Variants in FAM135A observed in about 807,000 individuals in gnomAD.
The protein encoded by FAM135A is family with sequence similarity 135 member A.
A neutral mutation model predicts 146.8 loss-of-function variants in FAM135A; 79 were observed. The observed-to-expected ratio is 0.54, with a 90% CI of 0.45 to 0.65. FAM135A has a LOEUF of 0.65. FAM135A is among the 30% of genes least tolerant of loss of function. FAM135A has a pLI of 0.00. For missense variants in FAM135A, 1,623 were observed against 1,758.2 expected (o/e 0.92, Z 1.38); for synonymous variants, 562 against 603.6 (o/e 0.93, Z 1.01).
At chr6:70,503,310 T>C (rs1289216836) in intron 12 of FAM135A, 1 of 152,266 alleles carries the variant, frequency 6.6e-6, no homozygotes, top group Admixed American at 6.5e-5. Context: ...TTGTATAGCA[T>C]CTCAAGAGGT....
Position 70,533,274 on chromosome 6 carries a change from G to T in FAM135A, c.3867+23G>T, listed in dbSNP as rs549739037. 5 of 1,576,510 alleles carry T rather than the reference G, an allele frequency of 3.2e-6. No individual in the cohort carries two copies. In the African/African-American group the frequency reaches 4.1e-5, roughly 13 times the overall value. On this transcript the variant is annotated intron_variant, in intron 17 of 21. Coordinates refer to ENST00000418814, the MANE Select transcript of FAM135A (RefSeq NM_001162529.3). Reference sequence around the variant, plus strand: ...CAGGTACAATATGACAGTGTTTTCAGTGAAAACAAACATTTTTGTACCAGT... The same window carrying T: ...CAGGTACAATATGACAGTGTTTTCATTGAAAACAAACATTTTTGTACCAGT...
chr6:70,468,404 A>G (rs1168889868), intron 5 of FAM135A, among the ~76,000 whole-genome samples: 2 of 152,220 alleles, frequency 1.3e-5, no homozygotes, highest in African/African-American at 4.8e-5. Flanking sequence ...TATAAAAGAT[A>G]GAGGTTTCCT....
At chr6:70,468,053 A>G (rs1037243612) in intron 5 of FAM135A, among the ~76,000 whole-genome samples, 1 of 152,130 alleles carries the variant, frequency 6.6e-6, no homozygotes, top group African/African-American at 2.4e-5. Context: ...ATGGTGAGCC[A>G]TTTGTCTAAG....
Position 70,477,168 on chromosome 6 carries a change from T to G in FAM135A, c.378T>G (p.Asp126Glu), listed in dbSNP as rs1782780802. 1.2e-6 allele frequency: 2 copies of G among 1,613,258 alleles called. No individual in the cohort carries two copies. The highest frequency in any genetic ancestry group is 1.7e-6 in the Non-Finnish European group (2 of 1,179,502). The change falls in exon 8 of 22, where the codon GAT becomes GAG. Residue 126 changes from aspartate (D) to glutamate (E), a missense_variant. Around this residue, in one of 7 missense-constraint regions of FAM135A, gnomAD observed 171 missense variants for 164.9 expected, o/e 1.04. Coordinates refer to ENST00000418814, the MANE Select transcript of FAM135A (RefSeq NM_001162529.3). ...HFTDGDYSAD[D>E]LNALQLISSR... ...GTGTTCCTTTTTACAGGGCAGATGA[T>G]CTGAATGCCTTGCAACTAATAAGTA...
At chr6:70,433,525 C>T (rs1582065073) in intron 4 of FAM135A, among the ~76,000 whole-genome samples, 1 of 147,938 alleles carries the variant, frequency 6.8e-6, no homozygotes, top group Non-Finnish European at 1.5e-5. Flanking sequence ...TTTTAAGTAA[C>T]TTAAAGCAGC....
chr6:70,414,386 G>C (rs575427102), intron 1 of FAM135A, among the ~76,000 whole-genome samples: 16 of 152,110 alleles, frequency 1.1e-4, no homozygotes, highest in African/African-American at 3.4e-4. Context: ...AACCCTCACT[G>C]CCTTCTCTTT....
chr6:70,444,665 C>A (rs1040929931), intron 4 of FAM135A, among the ~76,000 whole-genome samples: 2 of 152,098 alleles, frequency 1.3e-5, no homozygotes, highest in African/African-American at 4.8e-5. Context: ...CAGTGGTAGA[C>A]TGCTTTCATA....
intron 10 of FAM135A, among the ~76,000 whole-genome samples, chr6:70,484,493 C>CTGCT (rs1289922535): frequency 1.1e-4 from 17 of 151,986 alleles, no homozygotes; most frequent in Non-Finnish European, 1.2e-4. Flanking sequence ...TAGCTTAGAC[C>CTGCT]AGCAGTCCCC....
At chr6:70,447,927 C>A (rs989356861) in intron 4 of FAM135A, among the ~76,000 whole-genome samples, 3 of 152,154 alleles carry the variant, frequency 2.0e-5, no homozygotes, top group African/African-American at 7.2e-5. Context: ...ATGCAGATTA[C>A]CTCCGATACC....
chr6:70,439,790 G>A (rs1467364320), intron 4 of FAM135A, among the ~76,000 whole-genome samples: 2 of 152,016 alleles, frequency 1.3e-5, no homozygotes, highest in African/African-American at 4.8e-5. Flanking sequence ...ACTAACTTTT[G>A]TTTCTTTAAT....
chr6:70,481,130 T>C, intron 9 of FAM135A, 103 bp downstream of exon 9: 1 of 1,104,446 alleles, frequency 9.1e-7, no homozygotes, highest in Non-Finnish European at 1.2e-6. Flanking sequence ...TTATTTCAGC[T>C]CAGCAACTTA....
chr6:70,435,473 C>T (rs990169839), intron 4 of FAM135A, among the ~76,000 whole-genome samples: 1 of 152,078 alleles, frequency 6.6e-6, no homozygotes, highest in Non-Finnish European at 1.5e-5. Context: ...TGGAAAACCT[C>T]TGTAGAACCC....
chr6:70,449,048 A>G (rs1423393636), intron 4 of FAM135A, among the ~76,000 whole-genome samples: 1 of 152,212 alleles, frequency 6.6e-6, no homozygotes, highest in Non-Finnish European at 1.5e-5. Flanking sequence ...GCCTGTTCCC[A>G]ACAGGTTTCT....
Position 70,526,161 on chromosome 6 carries a change from C to G in FAM135A, c.3077C>G (p.Pro1026Arg). 1 of 1,613,474 alleles carries G rather than the reference C, an allele frequency of 6.2e-7. No homozygotes were observed. Among genetic ancestry groups the G allele is most frequent in the Non-Finnish European group, 8.5e-7 (1 of 1,179,630 alleles). Residue 1026 changes from proline (P) to arginine (R), a missense_variant, in exon 15 of 22, where the codon CCT becomes CGT. Physicochemically the swap from Pro to Arg is moderately radical, Grantham distance 103. Transcript: ENST00000418814. ...ESETHLGTSDPFSASTDIVKQ... is the reference protein window; with the variant it reads ...ESETHLGTSDRFSASTDIVKQ... The stretch of plus-strand genomic sequence containing the variant: ...GAAACTCATCTGGGTACAAGTGATC[C>G]TTTTTCAGCCAGTACTGATATAGTA...
chr6:70,427,905 A>T (rs563672638), intron 3 of FAM135A, among the ~76,000 whole-genome samples: 1 of 151,660 alleles, frequency 6.6e-6, no homozygotes, highest in East Asian at 1.9e-4. Context: ...AAGAGTGTTA[A>T]TTTTTTTTTG....
At chr6:70,553,826 A>G (rs1308469075) in intron 20 of FAM135A, among the ~76,000 whole-genome samples, 2 of 152,224 alleles carry the variant, frequency 1.3e-5, no homozygotes, top group Non-Finnish European at 2.9e-5. Context: ...GCAAGTAGAG[A>G]ATAGCAGTGA....
chr6:70,486,206 G>A (rs1784612780), intron 10 of FAM135A: 2 of 1,613,712 alleles, frequency 1.2e-6, no homozygotes, highest in Non-Finnish European at 1.7e-6. Context: ...CGTCTTCTCA[G>A]AAGAAAACAG....
chr6:70,491,194 A>C, intron 11 of FAM135A, 111 bp downstream of exon 11: 1 of 885,648 alleles, frequency 1.1e-6, no homozygotes, highest in Non-Finnish European at 1.7e-6. Flanking sequence ...CTAAAATGCA[A>C]AGATAAAATG....
At chr6:70,457,291 T>C (rs1030482867) in intron 5 of FAM135A, among the ~76,000 whole-genome samples, 1 of 152,210 alleles carries the variant, frequency 6.6e-6, no homozygotes, top group African/African-American at 2.4e-5. Context: ...CTAGTGAGTG[T>C]TCATTTATTA....
Sources: gnomAD v4.1 joint callset for allele counts (sites outside exome capture counted in the v4.1 genomes callset) on GRCh38, gnomAD v4.1.1 for gene constraint, gnomAD v4.1.1 regional missense constraint, MANE v1.5 for transcripts, NCBI Gene and HGNC (gene_info 2026-07-23, HGNC 2026-07-21) for gene names.